The following UNC13C variants were observed in gnomAD, a reference collection of about 807,000 sequenced individuals.
UNC13C encodes the protein protein unc-13 homolog C.
In UNC13C, 174 loss-of-function variants were observed where a neutral mutation model predicts 245.4. The ratio of observed to expected loss-of-function variants is 0.71; its 90% CI spans 0.63 to 0.80. The LOEUF is 0.80. Among genes scored for constraint, UNC13C ranks in the 30% least tolerant of loss-of-function variants. The probability of loss-of-function intolerance (pLI) is 0.00; values close to 1 mark genes in which losing one functional copy is unlikely to be tolerated. For missense variants in UNC13C, 2,829 were observed against 2,602.9 expected, an observed-to-expected ratio of 1.09 and a Z score of -1.89; for synonymous variants, 992 against 895.1, an observed-to-expected ratio of 1.11 and a Z score of -1.93.
At chr15:54,043,039 A>G (rs2141037285) in intron 2 of UNC13C, among the ~76,000 whole-genome samples, 1 of 152,210 alleles carries the variant, frequency 6.6e-6, no homozygotes, top group Non-Finnish European at 1.5e-5. Flanking sequence ...GGCTTATAAC[A>G]TGTTCTTGCC....
At chr15:54,277,451 C>G (rs567790496) in intron 10 of UNC13C, among the ~76,000 whole-genome samples, 49 of 152,204 alleles carry the variant, frequency 3.2e-4, no homozygotes, top group Non-Finnish European at 5.0e-4. Flanking sequence ...TAAGAAAGAA[C>G]AAGATGGAAA....
At chr15:53,994,660 T>C (rs1340158805) in intron 1 of UNC13C, among the ~76,000 whole-genome samples, 1 of 152,134 alleles carries the variant, frequency 6.6e-6, no homozygotes, top group East Asian at 1.9e-4. Context: ...GAAGGATGAA[T>C]TTAGAGTTTT....
intron 23 of UNC13C, among the ~76,000 whole-genome samples, chr15:54,508,938 ACCC>A (rs1894607057): frequency 1.3e-5 from 2 of 152,132 alleles, no homozygotes; most frequent in Non-Finnish European, 2.9e-5. Flanking sequence ...GGTGGCTCAC[ACCC>A]ATAATTCCAG....
chr15:54,205,980 G>A (rs1246322880), intron 4 of UNC13C, among the ~76,000 whole-genome samples: 1 of 152,012 alleles, frequency 6.6e-6, no homozygotes, highest in Non-Finnish European at 1.5e-5. Context: ...CTAATAAGTT[G>A]TTACTTTGAA....
the UNC13C span, among the ~76,000 whole-genome samples, chr15:53,865,130 A>G: frequency 3.3e-5 from 5 of 152,306 alleles, no homozygotes; most frequent in Non-Finnish European, 7.4e-5. Context: ...TTATTTTTCT[A>G]CTTTGATGGA....
the UNC13C span, among the ~76,000 whole-genome samples, chr15:53,902,345 C>T: frequency 2.6e-5 from 4 of 152,058 alleles, no homozygotes; most frequent in African/African-American, 4.8e-5. Flanking sequence ...ATTTCTGCCT[C>T]AACAGAGCTG....
chr15:54,615,887 C>G lies in UNC13C; in HGVS notation c.6107-6440C>G, dbSNP rs529694959. 4.6e-5 allele frequency among the ~76,000 whole-genome samples: 7 copies of G among 152,066 alleles called. 1 individual carries two copies. In the South Asian group the frequency reaches 1.5e-3, roughly 32 times the overall value. On this transcript the variant is annotated intron_variant, in intron 30 of 32. Coordinates refer to ENST00000260323, the MANE Select transcript of UNC13C (RefSeq NM_001080534.3). ...TCCAGAACTGAAAAATAAGACCTACCACTAATATTGCCCCCTTTATTGAAA... is the reference window on the plus strand; with the variant it reads ...TCCAGAACTGAAAAATAAGACCTACGACTAATATTGCCCCCTTTATTGAAA...
At chr15:54,110,747 A>G (rs1020030095) in intron 2 of UNC13C, among the ~76,000 whole-genome samples, 1 of 152,190 alleles carries the variant, frequency 6.6e-6, no homozygotes, top group African/African-American at 2.4e-5. Context: ...GGTACCAAAT[A>G]TAATTTTTTC....
chr15:54,184,545 G>A (rs1288792832), intron 4 of UNC13C, among the ~76,000 whole-genome samples: 3 of 152,130 alleles, frequency 2.0e-5, no homozygotes, highest in Non-Finnish European at 4.4e-5. Flanking sequence ...GCGATAGTTT[G>A]CTGAGAATGA....
chr15:54,389,512 G>A (rs1233164200), intron 17 of UNC13C, among the ~76,000 whole-genome samples: 1 of 152,156 alleles, frequency 6.6e-6, no homozygotes, highest in Non-Finnish European at 1.5e-5. Context: ...AAGGCTTCAG[G>A]AAATCTGAAA....
At chr15:53,873,640 G>A in the UNC13C span, among the ~76,000 whole-genome samples, 5 of 106,942 alleles carry the variant, frequency 4.7e-5, no homozygotes, top group Admixed American at 2.0e-4. Flanking sequence ...CCTGATGCAC[G>A]AAGTGATTCT....
At chr15:54,206,533 A>G (rs1029791470) in intron 4 of UNC13C, among the ~76,000 whole-genome samples, 6 of 152,132 alleles carry the variant, frequency 3.9e-5, no homozygotes, top group African/African-American at 7.2e-5. Flanking sequence ...CCATTAATCA[A>G]TGCACATACT....
chr15:53,862,478 T>A, the UNC13C span, among the ~76,000 whole-genome samples: 1 of 152,118 alleles, frequency 6.6e-6, no homozygotes, highest in Admixed American at 6.6e-5. Context: ...GAAAGTTTCT[T>A]AAGTGTGTTC....
chr15:54,507,128 A>T lies in UNC13C; in HGVS notation c.5313A>T (p.Lys1771Asn). The stretch of plus-strand genomic sequence containing the variant: ...GTTTTCTTTCTTAGACTATCAATAA[A>T]GTGCTGCTCCAGTATGCTGCAATTG... The part of the protein sequence containing the change: ...LMRRFAKTIN[K>N]VLLQYAAIVS... Residue 1771 changes from lysine to asparagine, a missense_variant, in exon 23 of 33, where the codon AAA (lysine) becomes AAT (asparagine). By Grantham distance (94) the Lys-to-Asn change is moderately conservative. Transcript: ENST00000260323. 6.3e-7 allele frequency: 1 copy of T among 1,596,216 alleles called. No individual in the cohort carries two copies. The highest frequency in any genetic ancestry group is 8.5e-7 in the Non-Finnish European group (1 of 1,169,970).
intron 2 of UNC13C, among the ~76,000 whole-genome samples, chr15:54,096,856 G>A (rs1341805615): frequency 6.6e-6 from 1 of 152,120 alleles, no homozygotes; most frequent in South Asian, 2.1e-4. Flanking sequence ...ATGTAAATAT[G>A]TTTTTAATAT....
At chr15:53,880,269 C>T in the UNC13C span, among the ~76,000 whole-genome samples, 5 of 152,040 alleles carry the variant, frequency 3.3e-5, no homozygotes, top group Non-Finnish European at 7.4e-5. Context: ...ATCTGAGAAC[C>T]AGAAGTTGGC....
At chr15:54,003,384 T>C (rs1416522051) in intron 1 of UNC13C, among the ~76,000 whole-genome samples, 1 of 152,158 alleles carries the variant, frequency 6.6e-6, no homozygotes, top group African/African-American at 2.4e-5. Context: ...CAACAGTGCT[T>C]ATCATCATGT....
intron 30 of UNC13C, among the ~76,000 whole-genome samples, chr15:54,571,816 G>A (rs564013792): frequency 9.9e-5 from 15 of 152,178 alleles, no homozygotes; most frequent in Admixed American, 9.8e-4. Flanking sequence ...ACAGGAAGTT[G>A]GTGGGTAAGA....
chr15:54,110,539 C>T (rs1900715514), intron 2 of UNC13C, among the ~76,000 whole-genome samples: 2 of 152,102 alleles, frequency 1.3e-5, no homozygotes, highest in Non-Finnish European at 2.9e-5. Context: ...TAAAACAATG[C>T]ATTTTGTGGT....
Sources: allele counts gnomAD v4.1 joint callset (sites outside exome capture counted in the v4.1 genomes callset), GRCh38; gene constraint gnomAD v4.1.1; transcripts MANE v1.5; gene names NCBI Gene and HGNC (gene_info 2026-07-23, HGNC 2026-07-21).